ANTXR1: variants seen among roughly 807,000 people sequenced by gnomAD.
ANTXR1 encodes the protein anthrax toxin receptor 1.
In ANTXR1, 19 loss-of-function variants were observed where a neutral mutation model predicts 78.1. The ratio of observed to expected loss-of-function variants is 0.24; its 90% CI spans 0.17 to 0.36. ANTXR1 has a LOEUF of 0.36. ANTXR1 is among the 10% of genes least tolerant of loss of function. The pLI is 1.00. For missense variants in ANTXR1, 518 were observed against 718.6 expected (o/e 0.72, Z 3.19); for synonymous variants, 273 against 260.5 (o/e 1.05, Z -0.46).
intron 13 of ANTXR1, among the ~76,000 whole-genome samples, chr2:69,161,222 C>T (rs1673674681): frequency 6.6e-6 from 1 of 152,212 alleles, no homozygotes; most frequent in Non-Finnish European, 1.5e-5. Context: ...AGACCATGCA[C>T]AGCCATTCTC....
rs1185602736 is a variant in ANTXR1 at position 69,096,379 on chromosome 2, G to GGGAA, written c.703+5485_703+5488dup. 4.8e-4 allele frequency among the ~76,000 whole-genome samples: 35 copies of GGGAA among 73,090 alleles called. 10 individuals carry two copies. The South Asian group carries it at 6.9e-3, about 14-fold the overall frequency. The allele number at this position is 73,090 out of a possible 152,430, so 47.9% of individuals were successfully genotyped here. ...GAGGAAGGGAGGAAGGGAGGAAGGA[G>GGGAA]GGAAGGAAGGAAGGAAGGAAGGAAG... On this transcript the variant is annotated intron_variant, in intron 9 of 17. Coordinates refer to ENST00000303714, the MANE Select transcript of ANTXR1 (RefSeq NM_032208.3).
intron 17 of ANTXR1, among the ~76,000 whole-genome samples, chr2:69,232,762 G>A (rs1009037738): frequency 7.2e-5 from 11 of 151,934 alleles, no homozygotes; most frequent in African/African-American, 1.9e-4. Flanking sequence ...GCAGAAACAC[G>A]GAATCTATGA....
chr2:69,103,449 T>C (rs1671699308), intron 10 of ANTXR1: 12 of 177,254 alleles, frequency 6.8e-5, no homozygotes. Flanking sequence ...CTTGCACATG[T>C]AGATTCTGCA....
chr2:69,177,120 G>A (rs539190643), intron 14 of ANTXR1, among the ~76,000 whole-genome samples: 1 of 152,328 alleles, frequency 6.6e-6, no homozygotes, highest in East Asian at 1.9e-4. Context: ...AGTTAAACGT[G>A]TTGAGTGAGT....
intron 3 of ANTXR1, among the ~76,000 whole-genome samples, chr2:69,065,786 A>G (rs958773625): frequency 6.6e-6 from 1 of 152,228 alleles, no homozygotes; most frequent in African/African-American, 2.4e-5. Context: ...TAACTCCTAA[A>G]ATAACAGCAA....
chr2:69,228,196 T>G (rs934351661), intron 17 of ANTXR1, among the ~76,000 whole-genome samples: 4 of 152,130 alleles, frequency 2.6e-5, no homozygotes, highest in Non-Finnish European at 4.4e-5. Flanking sequence ...AAGTAAATTA[T>G]GATTGGAAAA....
At chr2:69,021,579 A>G (rs1176672381) in intron 1 of ANTXR1, among the ~76,000 whole-genome samples, 6 of 152,184 alleles carry the variant, frequency 3.9e-5, no homozygotes, top group Admixed American at 3.9e-4. Context: ...CTTGCTGGCC[A>G]TGAAATGCTC....
intron 3 of ANTXR1, among the ~76,000 whole-genome samples, chr2:69,046,271 T>C (rs1271718830): frequency 6.6e-6 from 1 of 152,158 alleles, no homozygotes; most frequent in Non-Finnish European, 1.5e-5. Context: ...TGCAGGTGCT[T>C]TGTGTGCTAA....
intron 17 of ANTXR1, among the ~76,000 whole-genome samples, chr2:69,214,874 C>G (rs1675138121): frequency 6.6e-6 from 1 of 152,214 alleles, no homozygotes; most frequent in African/African-American, 2.4e-5. Flanking sequence ...GCAGATGTTT[C>G]TTTATTCCCA....
At chr2:69,128,276 C>A (rs939162208) in intron 12 of ANTXR1, among the ~76,000 whole-genome samples, 7 of 151,454 alleles carry the variant, frequency 4.6e-5, no homozygotes, top group Non-Finnish European at 8.8e-5. Flanking sequence ...ATTTCCCAAT[C>A]GATAAAACTA....
intron 1 of ANTXR1, among the ~76,000 whole-genome samples, chr2:69,023,844 T>C (rs753835973): frequency 2.6e-5 from 4 of 152,128 alleles, no homozygotes; most frequent in Non-Finnish European, 5.9e-5. Context: ...ACTTGGAAGT[T>C]GATCAGGATT....
chr2:69,040,155 G>A, intron 2 of ANTXR1, 40 bp downstream of exon 2: 2 of 1,564,396 alleles, frequency 1.3e-6, no homozygotes, highest in Non-Finnish European at 1.8e-6. Flanking sequence ...GTAGTTCTCT[G>A]TCATGAGTCA....
chr2:69,152,078 T>C, intron 12 of ANTXR1, 91 bp from the exon 13 acceptor site: 1 of 1,305,366 alleles, frequency 7.7e-7, no homozygotes, highest in Non-Finnish European at 1.1e-6. Context: ...TCTCTGAGCC[T>C]TAAATCTGCA....
At chr2:69,092,327 T>C (rs1332105442) in intron 9 of ANTXR1, among the ~76,000 whole-genome samples, 1 of 152,208 alleles carries the variant, frequency 6.6e-6, no homozygotes, top group Non-Finnish European at 1.5e-5. Context: ...TGAAAGACTT[T>C]CAGGGAGTTA....
intron 16 of ANTXR1, 141 bp from the exon 17 acceptor site, chr2:69,193,194 A>G (rs1320439997): frequency 1.4e-6 from 1 of 734,710 alleles, no homozygotes; most frequent in Non-Finnish European, 2.5e-6. Flanking sequence ...GGGACTGCAG[A>G]GTCACTAATC....
chr2:69,231,047 A>G (rs1297669139), intron 17 of ANTXR1, among the ~76,000 whole-genome samples: 1 of 152,206 alleles, frequency 6.6e-6, no homozygotes, highest in Non-Finnish European at 1.5e-5. Flanking sequence ...TGTAAGTGAG[A>G]ACATGCAGTA....
At chr2:69,095,733 G>A (rs899058700) in intron 9 of ANTXR1, among the ~76,000 whole-genome samples, 1 of 152,216 alleles carries the variant, frequency 6.6e-6, no homozygotes. Context: ...AGAATCATGT[G>A]AGCAGTGGCA....
At chr2:69,159,084 A>T (rs1673607618) in intron 13 of ANTXR1, among the ~76,000 whole-genome samples, 1 of 152,220 alleles carries the variant, frequency 6.6e-6, no homozygotes, top group South Asian at 2.1e-4. Context: ...TGGTTGTGTC[A>T]TGGGGGTTTG....
intron 12 of ANTXR1, among the ~76,000 whole-genome samples, chr2:69,145,101 A>G (rs1673184755): frequency 6.6e-6 from 1 of 152,190 alleles, no homozygotes; most frequent in Non-Finnish European, 1.5e-5. Flanking sequence ...GTGTGGCAGC[A>G]AACAGGCTGG....
Sources: allele counts gnomAD v4.1 joint callset (sites outside exome capture counted in the v4.1 genomes callset), GRCh38; gene constraint gnomAD v4.1.1; transcripts MANE v1.5; gene names NCBI Gene and HGNC (gene_info 2026-07-23, HGNC 2026-07-21).